Variants in KCNQ1OT1 observed in about 807,000 individuals in gnomAD.
KCNQ1OT1 encodes the protein KCNQ1 opposite strand/antisense transcript 1.
Position 2,620,383 on chromosome 11 carries a change from A to G in KCNQ1OT1, n.79612T>C, listed in dbSNP as rs1011662945. 1.7e-4 allele frequency: 37 copies of G among 211,852 alleles called. No individual in the cohort carries two copies. The highest frequency in any genetic ancestry group is 5.9e-4 in the Admixed American group (10 of 16,988). The allele number at this position is 211,852 out of a possible 1,614,324, so 13.1% of individuals were successfully genotyped here. ...AGGCATGCGCCACCACGTCCAGCTAATTTTGTAGTTTTAGTAGAGACAGGG... is the reference window on the plus strand; with the variant it reads ...AGGCATGCGCCACCACGTCCAGCTAGTTTTGTAGTTTTAGTAGAGACAGGG... On this transcript the variant is annotated non_coding_transcript_exon_variant, in exon 1 of 1. Coordinates refer to ENST00000597346, the Ensembl canonical transcript of KCNQ1OT1. The surrounding 1 kb of genome is among the most constrained non-coding windows in gnomAD (Gnocchi z 4.5).
exon 1 of KCNQ1OT1, chr11:2,633,127 G>A (rs2133818806): frequency 2.5e-6 from 1 of 398,420 alleles, no homozygotes; most frequent in African/African-American, 2.1e-5. Flanking sequence ...GTGAAATAAT[G>A]TCTCACTGTG....
At chr11:2,648,045 C>A (rs1220427860) in exon 1 of KCNQ1OT1, 8 of 388,856 alleles carry the variant, frequency 2.1e-5, no homozygotes, top group Admixed American at 1.9e-4. Flanking sequence ...AAACCCCCAT[C>A]TCTACCAAAA....
chr11:2,633,076 T>G (rs1849389430), exon 1 of KCNQ1OT1: 3 of 398,534 alleles, frequency 7.5e-6, no homozygotes, highest in Non-Finnish European at 1.3e-5. Flanking sequence ...TGCCAGCATT[T>G]GTTATGTTTT....
rs1167505141 is a variant in KCNQ1OT1 at position 2,610,716 on chromosome 11, C to CTTTTTTTTTTTTTTTTTTTTTTTTTTTTT, written n.89250_89278dup. ...TTCTGGACACAGTATTCTTGGTTGG[C>CTTTTTTTTTTTTTTTTTTTTTTTTTTTTT]TTTTTTTTTTTTTTTTTTTTTTTTT... is the stretch of plus-strand genomic sequence containing the variant. On this transcript the variant is annotated non_coding_transcript_exon_variant, in exon 1 of 1. Transcript: ENST00000597346. The CTTTTTTTTTTTTTTTTTTTTTTTTTTTTT allele has an allele frequency of 2.2e-5, 5 of 230,186 alleles. 1 individual carries two copies. The highest frequency in any genetic ancestry group is 6.0e-5 in the East Asian group (1 of 16,594). The allele number at this position is 230,186 out of a possible 1,614,324, so 14.3% of individuals were successfully genotyped here. A position where few individuals can be genotyped will look rare whatever the true frequency, so the allele number is the denominator to read the frequency against.
chr11:2,691,755 G>C lies in KCNQ1OT1; in HGVS notation n.8240C>G. On this transcript the variant is annotated non_coding_transcript_exon_variant, in exon 1 of 1. Transcript: ENST00000597346. This position sits in a 1 kb window ranked among gnomAD's most constrained non-coding sequence, Gnocchi z 6.4. ...CACACAGGCAGGGGACATTCCACTA[G>C]GGCCATTTGCAGGCCAGTGGCCATC... 2.5e-6 allele frequency: 1 copy of C among 398,692 alleles called. No homozygotes were observed. Among genetic ancestry groups the C allele is most frequent in the Admixed American group, 4.4e-5 (1 of 22,742 alleles). 24.7% of individuals were successfully genotyped at this position (398,692 alleles called of 1,614,324 possible). A position where few individuals can be genotyped will look rare whatever the true frequency, so the allele number is the denominator to read the frequency against.
At position 2,669,890 on chromosome 11, in the gene KCNQ1OT1, G is replaced by C. The variant is rs1590020891; in HGVS notation, n.30105C>G. 3.3e-5 allele frequency: 13 copies of C among 398,630 alleles called. No individual in the cohort carries two copies. In the East Asian group the frequency reaches 4.6e-4, roughly 14 times the overall value. The allele number at this position is 398,630 out of a possible 1,614,324, so 24.7% of individuals were successfully genotyped here. On this transcript the variant is annotated non_coding_transcript_exon_variant, in exon 1 of 1. Transcript: ENST00000597346. This position sits in a 1 kb window ranked among gnomAD's most constrained non-coding sequence, Gnocchi z 5.6. ...GGCTGTCAGCTGCTGTCCTTAATAA[G>C]ATGTGCCTAGAGGCCTGAGAGTCCC... is the stretch of plus-strand genomic sequence containing the variant.
chr11:2,679,411 G>T lies in KCNQ1OT1; in HGVS notation n.20584C>A. 1 of 398,626 alleles carries T rather than the reference G, an allele frequency of 2.5e-6. No homozygotes were observed. Among genetic ancestry groups the T allele is most frequent in the South Asian group, 1.3e-4 (1 of 7,840 alleles). The allele number at this position is 398,626 out of a possible 1,614,324, so 24.7% of individuals were successfully genotyped here. On this transcript the variant is annotated non_coding_transcript_exon_variant, in exon 1 of 1. Transcript: ENST00000597346. This position sits in a 1 kb window ranked among gnomAD's most constrained non-coding sequence, Gnocchi z 4.8. ...TTTATTTGTAAAATGGGAATCATAA[G>T]AGTACCTTCCTCAGAGGGTTGTTAG...
exon 1 of KCNQ1OT1, chr11:2,667,640 C>A (rs1353230742): frequency 2.5e-6 from 1 of 398,594 alleles, no homozygotes; most frequent in Non-Finnish European, 4.4e-6. Flanking sequence ...TCTGCTGATA[C>A]CTGAAAGGGG....
At chr11:2,688,009 A>G (rs1487985171) in exon 1 of KCNQ1OT1, 2 of 398,618 alleles carry the variant, frequency 5.0e-6, no homozygotes, top group Admixed American at 4.4e-5. Context: ...GGGAGGGGTC[A>G]GCACCCCTCT....
Position 2,698,534 on chromosome 11 carries a change from G to T in KCNQ1OT1, n.1461C>A, listed in dbSNP as rs2133900746. ...GCAGGTGATCACCACCCCCAACTCAGACTGCAACCTTTACTTCGCCCCCTA... is the reference window on the plus strand; with the variant it reads ...GCAGGTGATCACCACCCCCAACTCATACTGCAACCTTTACTTCGCCCCCTA... On this transcript the variant is annotated non_coding_transcript_exon_variant, in exon 1 of 1. Coordinates refer to ENST00000597346, the Ensembl canonical transcript of KCNQ1OT1. The surrounding 1 kb of genome is among the most constrained non-coding windows in gnomAD (Gnocchi z 5.1). The T allele has an allele frequency of 2.5e-6, 1 of 398,210 alleles. No homozygotes were observed. The highest frequency in any genetic ancestry group is 3.6e-5 in the East Asian group (1 of 28,056). 24.7% of individuals were successfully genotyped at this position (398,210 alleles called of 1,614,324 possible).
exon 1 of KCNQ1OT1, chr11:2,641,246 T>G (rs1347385390): frequency 2.5e-6 from 1 of 398,318 alleles, no homozygotes; most frequent in Non-Finnish European, 4.4e-6. Context: ...ATCAAACTGT[T>G]TTCTATAGTA....
At chr11:2,633,833 C>A in exon 1 of KCNQ1OT1, 1 of 398,584 alleles carries the variant, frequency 2.5e-6, no homozygotes, top group South Asian at 1.3e-4. Flanking sequence ...ATATTCAAGT[C>A]CCAGAGTCAG....
chr11:2,651,691 G>A lies in KCNQ1OT1; in HGVS notation n.48304C>T, dbSNP rs1849758805. 2.5e-6 allele frequency: 1 copy of A among 398,484 alleles called. No individual in the cohort carries two copies. The highest frequency in any genetic ancestry group is 1.3e-4 in the South Asian group (1 of 7,864). The allele number at this position is 398,484 out of a possible 1,614,324, so 24.7% of individuals were successfully genotyped here. A position where few individuals can be genotyped will look rare whatever the true frequency, so the allele number is the denominator to read the frequency against. On this transcript the variant is annotated non_coding_transcript_exon_variant, in exon 1 of 1. Transcript: ENST00000597346. The surrounding 1 kb of genome is among the most constrained non-coding windows in gnomAD (Gnocchi z 6.1). ...TTAGCCACGTGGCCCTCTGTTTCCTGTAATAGGCCATTTCCTAAGTAAGCA... is the reference window on the plus strand; with the variant it reads ...TTAGCCACGTGGCCCTCTGTTTCCTATAATAGGCCATTTCCTAAGTAAGCA...
exon 1 of KCNQ1OT1, chr11:2,632,629 C>T (rs1849379186): frequency 2.5e-6 from 1 of 398,218 alleles, no homozygotes; most frequent in South Asian, 1.3e-4. Context: ...GGGTAATTAG[C>T]ATATTCATCA....
Position 2,622,416 on chromosome 11 carries a change from C to T in KCNQ1OT1, n.77579G>A, listed in dbSNP as rs1589987186. 3.0e-5 allele frequency: 12 copies of T among 398,246 alleles called. No individual in the cohort carries two copies. The East Asian group carries it at 3.9e-4, about 13-fold the overall frequency. The allele number at this position is 398,246 out of a possible 1,614,324, so 24.7% of individuals were successfully genotyped here. On this transcript the variant is annotated non_coding_transcript_exon_variant, in exon 1 of 1. Coordinates refer to ENST00000597346, the Ensembl canonical transcript of KCNQ1OT1. Reference sequence around the variant, plus strand: ...TATGAAATATCATTTTTCATTCTTTCACTTTCAATCTACTTGTGTCTTTAG... The same window carrying T: ...TATGAAATATCATTTTTCATTCTTTTACTTTCAATCTACTTGTGTCTTTAG...
chr11:2,694,672 T>C (rs1850644663), exon 1 of KCNQ1OT1: 2 of 398,508 alleles, frequency 5.0e-6, no homozygotes, highest in Non-Finnish European at 8.8e-6. Context: ...GCGGACCCTA[T>C]ACGGAAGACA....
At chr11:2,697,789 C>A (rs984657990) in exon 1 of KCNQ1OT1, 1 of 398,520 alleles carries the variant, frequency 2.5e-6, no homozygotes, top group Non-Finnish European at 4.4e-6. Context: ...CAAGGAACTT[C>A]TGCATCTACA....
In KCNQ1OT1 at chr11:2,670,904, T is replaced by G. The variant is rs550373276; in HGVS notation, n.29091A>C. On this transcript the variant is annotated non_coding_transcript_exon_variant, in exon 1 of 1. Coordinates refer to ENST00000597346, the Ensembl canonical transcript of KCNQ1OT1. This position sits in a 1 kb window ranked among gnomAD's most constrained non-coding sequence, Gnocchi z 4.9. ...GCCTCCTGGATTGCCTGGACAAGGC[T>G]GACCTGCCCTCCCAGGATGCAAATT... is the stretch of plus-strand genomic sequence containing the variant. 1.2e-4 allele frequency: 47 copies of G among 398,650 alleles called. No individual in the cohort carries two copies. The highest frequency in any genetic ancestry group is 9.6e-4 in the African/African-American group (47 of 48,766). The allele number at this position is 398,650 out of a possible 1,614,324, so 24.7% of individuals were successfully genotyped here.
chr11:2,626,981 G>A lies in KCNQ1OT1; in HGVS notation n.73014C>T. ...AATAACATCATTAGGATTTTTATTG[G>A]GATTACCTTGGATTTGTAGATTGTT... On this transcript the variant is annotated non_coding_transcript_exon_variant, in exon 1 of 1. Coordinates refer to ENST00000597346, the Ensembl canonical transcript of KCNQ1OT1. This position sits in a 1 kb window ranked among gnomAD's most constrained non-coding sequence, Gnocchi z 4.0. The A allele has an allele frequency of 5.0e-6, 2 of 398,452 alleles. No individual in the cohort carries two copies. The highest frequency in any genetic ancestry group is 8.8e-6 in the Non-Finnish European group (2 of 226,030). 24.7% of individuals were successfully genotyped at this position (398,452 alleles called of 1,614,324 possible).
Sources: allele counts gnomAD v4.1 joint callset, GRCh38; gene constraint gnomAD v4.1.1; non-coding constraint Gnocchi (gnomAD v3.1); transcripts MANE v1.5; gene names NCBI Gene and HGNC (gene_info 2026-07-23, HGNC 2026-07-21).